UGT2B17: variants seen among roughly 807,000 people sequenced by gnomAD.
UGT2B17 encodes UDP-glucuronosyltransferase 2B17.
In UGT2B17, 21 loss-of-function variants were observed where a neutral mutation model predicts 48.2. That is an observed-to-expected ratio of 0.44 (90% CI 0.31 to 0.63). The LOEUF is 0.63. Among genes scored for constraint, UGT2B17 ranks in the 20% least tolerant of loss-of-function variants. UGT2B17 has a pLI of 0.08. For missense variants in UGT2B17, 402 were observed against 696.1 expected (o/e 0.58, Z 4.75); for synonymous variants, 146 against 238.4 (o/e 0.61, Z 3.57).
intron 1 of UGT2B17, 121 bp from the exon 2 acceptor site, chr4:68,568,669 AT>A: frequency 2.0e-6 from 1 of 509,534 alleles, no homozygotes; most frequent in Non-Finnish European, 2.8e-6. Flanking sequence ...AATAATTTTT[AT>A]GACCTAGAAT....
At chr4:68,538,060 C>A (rs1332672184) in intron 6 of UGT2B17, among the ~76,000 whole-genome samples, 156 bp from the exon 7 acceptor site, 2 of 125,866 alleles carry the variant, frequency 1.6e-5, no homozygotes, top group African/African-American at 5.4e-5. Flanking sequence ...TATGTCATTA[C>A]AGAAAGTTTG....
chr4:68,565,307 C>T lies in UGT2B17; in HGVS notation c.873+265G>A, dbSNP rs537034241. On this transcript the variant is annotated intron_variant, in intron 3 of 6. Coordinates refer to ENST00000317746, the MANE Select transcript of UGT2B17 (RefSeq NM_001077.4). ...TACAAATATTTTTTGAAGAAATGAA[C>T]CATACTATCTTGTGGGTTGCACAAT... Among the ~76,000 whole-genome samples, 467 of 126,092 alleles carry T rather than the reference C, an allele frequency of 3.7e-3. 77 individuals carry two copies. The highest frequency in any genetic ancestry group is 0.012 in the African/African-American group (441 of 36,842). 82.7% of individuals were successfully genotyped at this position (126,092 alleles called of 152,430 possible).
rs1451830839 is a variant in UGT2B17 at position 68,544,601 on chromosome 4, C to T, written c.1313+6076G>A. Among the ~76,000 whole-genome samples, 6 of 125,282 alleles carry T rather than the reference C, an allele frequency of 4.8e-5. 2 individuals are homozygous for T. The highest frequency in any genetic ancestry group is 1.6e-4 in the Admixed American group (2 of 12,186). The allele number at this position is 125,282 out of a possible 152,430, so 82.2% of individuals were successfully genotyped here. ...TCAAATTTACACATAACAATATTAA[C>T]CTTAAATGTAAATGGGTTAAATGCT... On this transcript the variant is annotated intron_variant, in intron 6 of 6. Coordinates refer to ENST00000317746, the MANE Select transcript of UGT2B17 (RefSeq NM_001077.4).
In UGT2B17 at chr4:68,550,814, C is replaced by T. The variant is rs1560576938; in HGVS notation, c.1176G>A (p.Val392=). Residue 392 remains valine, a synonymous_variant, in exon 6 of 7, where the codon GTG becomes GTA. Transcript: ENST00000317746. ...GTTGATCCGCAAACAAGGGAATGCC[C>T]ACCATAGGGATCCCATGGTAGATTG... The part of the protein sequence containing the change: ...YEAIYHGIPM[V]GIPLFADQHD... 1.4e-6 allele frequency: 2 copies of T among 1,385,182 alleles called. No homozygotes were observed. Among genetic ancestry groups the T allele is most frequent in the Non-Finnish European group, 1.9e-6 (2 of 1,060,972 alleles). 85.8% of individuals were successfully genotyped at this position (1,385,182 alleles called of 1,614,324 possible). A position where few individuals can be genotyped will look rare whatever the true frequency, so the allele number is the denominator to read the frequency against.
At chr4:68,551,730 A>T (rs1730917005) in intron 5 of UGT2B17, 94 bp downstream of exon 5, 2 of 899,302 alleles carry the variant, frequency 2.2e-6, no homozygotes, top group Non-Finnish European at 3.0e-6. Context: ...GTTTTCCAAT[A>T]ATAAATGTTA....
At chr4:68,575,035 C>A (rs1206757651) in intron 1 of UGT2B17, among the ~76,000 whole-genome samples, 1 of 121,498 alleles carries the variant, frequency 8.2e-6, no homozygotes. Context: ...TCTAAGGCCA[C>A]AAGATTAGAA....
rs1249192947 is a variant in UGT2B17 at position 68,543,263 on chromosome 4, A to G, written c.1314-5359T>C. On this transcript the variant is annotated intron_variant, in intron 6 of 6. Transcript: ENST00000317746. The stretch of plus-strand genomic sequence containing the variant: ...CTTCCAGAGGAACAATCAGACAGCA[A>G]CATTTGCTGTTCACTAATATCCACT... 1.6e-5 allele frequency among the ~76,000 whole-genome samples: 2 copies of G among 125,280 alleles called. 1 individual carries two copies. Among genetic ancestry groups the G allele is most frequent in the African/African-American group, 5.5e-5 (2 of 36,644 alleles). The allele number at this position is 125,280 out of a possible 152,430, so 82.2% of individuals were successfully genotyped here.
chr4:68,540,045 C>T lies in UGT2B17; in HGVS notation c.1314-2141G>A, dbSNP rs1730626119. ...ATGTGATCCTCCCACCTTGGCCTCC[C>T]AAAGTGTTGGAATTACAGGTGTGAG... is the stretch of plus-strand genomic sequence containing the variant. On this transcript the variant is annotated intron_variant, in intron 6 of 6. Coordinates refer to ENST00000317746, the MANE Select transcript of UGT2B17 (RefSeq NM_001077.4). Among the ~76,000 whole-genome samples, 2 of 124,004 alleles carry T rather than the reference C, an allele frequency of 1.6e-5. 1 individual carries two copies. The highest frequency in any genetic ancestry group is 5.5e-5 in the African/African-American group (2 of 36,196). 81.4% of individuals were successfully genotyped at this position (124,004 alleles called of 152,430 possible).
rs1274815422 is a variant in UGT2B17 at position 68,567,002 on chromosome 4, TTAA to T, written c.724+756_724+758del. On this transcript the variant is annotated intron_variant, in intron 2 of 6. Coordinates refer to ENST00000317746, the MANE Select transcript of UGT2B17 (RefSeq NM_001077.4). ...TACTGTCTTGGTTCATCTTAAGATC[TTAA>T]TATAATTAGATTTTTAAAATAAATA... 7.6e-4 allele frequency among the ~76,000 whole-genome samples: 91 copies of T among 119,886 alleles called. 10 individuals carry two copies. Among genetic ancestry groups the T allele is most frequent in the African/African-American group, 2.5e-3 (89 of 35,152 alleles). The allele number at this position is 119,886 out of a possible 152,430, so 78.6% of individuals were successfully genotyped here. A position where few individuals can be genotyped will look rare whatever the true frequency, so the allele number is the denominator to read the frequency against.
Position 68,545,607 on chromosome 4 carries a change from A to T in UGT2B17, c.1313+5070T>A, listed in dbSNP as rs960813647. Reference sequence around the variant, plus strand: ...AACTGAAGGAAATAGAGACACAAAAAACTCTTCAAAAAATCAATGAATCCA... The same window carrying T: ...AACTGAAGGAAATAGAGACACAAAATACTCTTCAAAAAATCAATGAATCCA... On this transcript the variant is annotated intron_variant, in intron 6 of 6. Coordinates refer to ENST00000317746, the MANE Select transcript of UGT2B17 (RefSeq NM_001077.4). Among the ~76,000 whole-genome samples the T allele has an allele frequency of 6.4e-5, 8 of 125,984 alleles. 1 individual carries two copies. In the Admixed American group the frequency reaches 6.5e-4, roughly 10 times the overall value. The allele number at this position is 125,984 out of a possible 152,430, so 82.7% of individuals were successfully genotyped here.
rs1460863960 is a variant in UGT2B17 at position 68,563,814 on chromosome 4, T to G, written c.873+1758A>C. ...GCGTGTTCAACTGACTGCCCAAACT[T>G]AAACATTTATATTTAAACAAGCACA... On this transcript the variant is annotated intron_variant, in intron 3 of 6. Transcript: ENST00000317746. Among the ~76,000 whole-genome samples the G allele has an allele frequency of 1.6e-5, 2 of 125,890 alleles. 1 individual carries two copies. Among genetic ancestry groups the G allele is most frequent in the Admixed American group, 1.6e-4 (2 of 12,190 alleles). The allele number at this position is 125,890 out of a possible 152,430, so 82.6% of individuals were successfully genotyped here. A position where few individuals can be genotyped will look rare whatever the true frequency, so the allele number is the denominator to read the frequency against.
Position 68,553,227 on chromosome 4 carries a change from G to A in UGT2B17, c.1006-1316C>T, listed in dbSNP as rs756661213. Among the ~76,000 whole-genome samples the A allele has an allele frequency of 1.5e-4, 19 of 125,694 alleles. 3 individuals carry two copies. The highest frequency in any genetic ancestry group is 3.3e-4 in the Admixed American group (4 of 12,266). 82.5% of individuals were successfully genotyped at this position (125,694 alleles called of 152,430 possible). A position where few individuals can be genotyped will look rare whatever the true frequency, so the allele number is the denominator to read the frequency against. On this transcript the variant is annotated intron_variant, in intron 4 of 6. Coordinates refer to ENST00000317746, the MANE Select transcript of UGT2B17 (RefSeq NM_001077.4). ...AGAATTCCAAATTGTGGGTAACAAA[G>A]CCTGTCTAATTTGGTGAAAATTCTT...
chr4:68,542,740 C>A (rs1387247428), intron 6 of UGT2B17, among the ~76,000 whole-genome samples: 1 of 126,806 alleles, frequency 7.9e-6, no homozygotes, highest in Non-Finnish European at 1.7e-5. Context: ...TTACTCCCAC[C>A]CTAATACTGC....
At position 68,546,274 on chromosome 4, in the gene UGT2B17, C is replaced by T. The variant is rs1215302908; in HGVS notation, c.1313+4403G>A. Among the ~76,000 whole-genome samples, 7 of 126,166 alleles carry T rather than the reference C, an allele frequency of 5.5e-5. 2 individuals are homozygous for T. The highest frequency in any genetic ancestry group is 8.1e-5 in the African/African-American group (3 of 36,932). 82.8% of individuals were successfully genotyped at this position (126,166 alleles called of 152,430 possible). On this transcript the variant is annotated intron_variant, in intron 6 of 6. Coordinates refer to ENST00000317746, the MANE Select transcript of UGT2B17 (RefSeq NM_001077.4). ...TGGGATGCAAGGCTAGTTCAACGTA[C>T]ACAAATCAATGAATGTAATCCAGCA...
chr4:68,558,448 C>A, intron 4 of UGT2B17, among the ~76,000 whole-genome samples: 1 of 123,966 alleles, frequency 8.1e-6, no homozygotes, highest in South Asian at 3.7e-4. Flanking sequence ...AACTTAAACT[C>A]CAGAAGAAAA....
intron 4 of UGT2B17, among the ~76,000 whole-genome samples, chr4:68,556,002 C>G (rs187504327): frequency 3.7e-5 from 4 of 107,100 alleles, no homozygotes; most frequent in Admixed American, 2.0e-4. Flanking sequence ...TAAATTTAGT[C>G]CTAGAATAAA....
intron 6 of UGT2B17, among the ~76,000 whole-genome samples, chr4:68,546,682 G>C (rs12055078): frequency 8.0e-6 from 1 of 125,402 alleles, no homozygotes; most frequent in Non-Finnish European, 1.7e-5. Context: ...AAACCTGATC[G>C]TCTGAGCCCC....
rs1456027213 is a variant in UGT2B17, at chr4:68,561,462, G to C, written c.874-794C>G. On this transcript the variant is annotated intron_variant, in intron 3 of 6. Transcript: ENST00000317746. Reference sequence around the variant, plus strand: ...ATCTTATTTCTCAGATCATTGTTTAGGTATGACTATGATACCTTTTGTCCT... The same window carrying C: ...ATCTTATTTCTCAGATCATTGTTTACGTATGACTATGATACCTTTTGTCCT... 7.2e-4 allele frequency among the ~76,000 whole-genome samples: 89 copies of C among 124,204 alleles called. 15 individuals are homozygous for C. Among genetic ancestry groups the C allele is most frequent in the African/African-American group, 2.3e-3 (85 of 36,376 alleles). 81.5% of individuals were successfully genotyped at this position (124,204 alleles called of 152,430 possible). A position where few individuals can be genotyped will look rare whatever the true frequency, so the allele number is the denominator to read the frequency against.
At chr4:68,544,497 A>G (rs2109760806) in intron 6 of UGT2B17, among the ~76,000 whole-genome samples, 1 of 126,744 alleles carries the variant, frequency 7.9e-6, no homozygotes, top group Middle Eastern at 3.9e-3. Flanking sequence ...AACATGCCAA[A>G]TGATAAAGAC....
Sources: gnomAD v4.1 joint callset for allele counts (sites outside exome capture counted in the v4.1 genomes callset) on GRCh38, gnomAD v4.1.1 for gene constraint, MANE v1.5 for transcripts, NCBI Gene and HGNC (gene_info 2026-07-23, HGNC 2026-07-21) for gene names.